The following NHS variants were observed in gnomAD, a reference collection of about 807,000 sequenced individuals.
NHS encodes actin remodeling regulator NHS.
In NHS, 5 loss-of-function variants were observed where a neutral mutation model predicts 72.5. The observed-to-expected ratio is 0.07, with a 90% confidence interval of 0.04 to 0.14. The LOEUF (loss-of-function observed/expected upper bound fraction) is 0.14, where lower values mean the gene tolerates loss of function less well. NHS is among the 10% of genes least tolerant of loss of function. The probability of loss-of-function intolerance (pLI) is 1.00; values close to 1 mark genes in which losing one functional copy is unlikely to be tolerated. For synonymous variants in NHS, 464 were observed against 547.7 expected (o/e 0.85, Z 2.13); for missense variants, 1,072 against 1,355.7 (o/e 0.79, Z 3.29).
chrX:17,564,963 A>G (rs1305747652), intron 1 of NHS, among the ~76,000 whole-genome samples: 1 of 108,104 alleles, frequency 9.3e-6, no homozygotes, highest in Non-Finnish European at 1.9e-5. Flanking sequence ...AATTGGGTAC[A>G]GCCACATTTT....
chrX:17,517,417 C>T (rs1004084740), intron 1 of NHS, among the ~76,000 whole-genome samples: 1 of 112,369 alleles, frequency 8.9e-6, no homozygotes, highest in African/African-American at 3.2e-5. Context: ...ATTAAATGAT[C>T]TGTAATTTTC....
At chrX:17,609,466 G>C (rs892648814) in intron 1 of NHS, among the ~76,000 whole-genome samples, 3 of 111,834 alleles carry the variant, frequency 2.7e-5, no homozygotes, top group Admixed American at 9.5e-5. Flanking sequence ...CATAGCATTT[G>C]GGTGGTGGTG....
intron 3 of NHS, among the ~76,000 whole-genome samples, chrX:17,710,498 A>AAAGGCATTAT (rs1556035047): frequency 1.8e-5 from 2 of 112,829 alleles, no homozygotes; most frequent in African/African-American, 6.4e-5. Flanking sequence ...GATGGATTGC[A>AAAGGCATTAT]AAGGCATTAT....
chrX:17,410,201 A>T (rs186202828), intron 1 of NHS, among the ~76,000 whole-genome samples: 49 of 111,269 alleles, frequency 4.4e-4, no homozygotes, highest in African/African-American at 1.6e-3. Context: ...ACACTAAAAA[A>T]ATGGCTGTGT....
chrX:17,561,427 T>C (rs1473027760), intron 1 of NHS, among the ~76,000 whole-genome samples: 3 of 110,413 alleles, frequency 2.7e-5, no homozygotes, highest in Non-Finnish European at 3.8e-5. Context: ...GACACAAGTT[T>C]CAATTTTGTA....
intron 1 of NHS, among the ~76,000 whole-genome samples, chrX:17,451,722 G>A (rs925561728): frequency 8.9e-6 from 1 of 112,173 alleles, no homozygotes; most frequent in African/African-American, 3.2e-5. Flanking sequence ...GTTTGAGATA[G>A]TTCTGCATGC....
At chrX:17,470,524 A>G (rs1053268181) in intron 1 of NHS, among the ~76,000 whole-genome samples, 2 of 111,663 alleles carry the variant, frequency 1.8e-5, no homozygotes, top group African/African-American at 6.5e-5. Context: ...CACATGCCCG[A>G]TGTTATACGA....
At chrX:17,639,722 C>T (rs2065871367) in intron 1 of NHS, among the ~76,000 whole-genome samples, 1 of 112,374 alleles carries the variant, frequency 8.9e-6, no homozygotes, top group African/African-American at 3.2e-5. Context: ...CTTAAAGACC[C>T]CATCTCTTAA....
chrX:17,508,854 TTGTG>T (rs1374328390), intron 1 of NHS, among the ~76,000 whole-genome samples: 1 of 112,041 alleles, frequency 8.9e-6, no homozygotes, highest in African/African-American at 3.3e-5. Flanking sequence ...ATGTGAACAT[TTGTG>T]TGTGTATTTG....
chrX:17,413,722 A>G (rs368440152), intron 1 of NHS, among the ~76,000 whole-genome samples: 108 of 111,726 alleles, frequency 9.7e-4, no homozygotes, highest in African/African-American at 3.3e-3. Context: ...CTATCACTCT[A>G]TTAATCCTTT....
chrX:17,457,274 G>A (rs2064829246), intron 1 of NHS, among the ~76,000 whole-genome samples: 1 of 111,801 alleles, frequency 8.9e-6, no homozygotes, highest in African/African-American at 3.3e-5. Context: ...AATTTATAAA[G>A]AGAAGAGGTT....
At chrX:17,567,465 G>A (rs1172686881) in intron 1 of NHS, among the ~76,000 whole-genome samples, 2 of 111,839 alleles carry the variant, frequency 1.8e-5, no homozygotes, top group Non-Finnish European at 3.8e-5. Flanking sequence ...AGACTGCACC[G>A]GGGTTATGCG....
intron 1 of NHS, among the ~76,000 whole-genome samples, chrX:17,589,844 T>C (rs929509659): frequency 6.3e-5 from 7 of 111,867 alleles, no homozygotes; most frequent in African/African-American, 2.3e-4. Flanking sequence ...CCAATGTCTA[T>C]TATTTTTTAT....
At chrX:17,459,138 A>C (rs1293643031) in intron 1 of NHS, among the ~76,000 whole-genome samples, 1 of 112,714 alleles carries the variant, frequency 8.9e-6, no homozygotes, top group East Asian at 2.8e-4. Flanking sequence ...TGCATACATA[A>C]ATTACTGTAT....
intron 1 of NHS, among the ~76,000 whole-genome samples, chrX:17,447,871 A>G (rs1380775896): frequency 9.0e-6 from 1 of 111,044 alleles, no homozygotes; most frequent in African/African-American, 3.3e-5. Flanking sequence ...AGAAATAACT[A>G]GATCTGAAAT....
rs777077115 is a variant in NHS at position 17,412,605 on chromosome X, A to AAG, written c.565+36299_565+36300dup. ...GGAGTGAGACCCTGTCTTAAGAAGAAAGAGAGAGAGAGAGAGAAAACAAAG... is the reference window on the plus strand; with the variant it reads ...GGAGTGAGACCCTGTCTTAAGAAGAAAGAGAGAGAGAGAGAGAGAAAACAAAG... On this transcript the variant is annotated intron_variant, in intron 1 of 8. Coordinates refer to ENST00000676302, the MANE Select transcript of NHS (RefSeq NM_001291867.2). Among the ~76,000 whole-genome samples the AAG allele has an allele frequency of 1.4e-4, 15 of 109,925 alleles. No individual in the cohort carries two copies. The East Asian group carries it at 1.7e-3, about 12-fold the overall frequency.
intron 5 of NHS, among the ~76,000 whole-genome samples, chrX:17,723,770 T>TGCGTGTGCGC (rs1556037733): frequency 7.7e-5 from 7 of 91,319 alleles, no homozygotes; most frequent in African/African-American, 3.5e-4. Context: ...TGTGTGTGTG[T>TGCGTGTGCGC]GCGCGCGCGT....
chrX:17,650,774 T>A (rs962505952), intron 1 of NHS, among the ~76,000 whole-genome samples: 8 of 112,477 alleles, frequency 7.1e-5, no homozygotes, highest in African/African-American at 2.6e-4. Flanking sequence ...TCTGTTTGTG[T>A]CAACAAAATA....
At chrX:17,441,407 T>C (rs760241460) in intron 1 of NHS, among the ~76,000 whole-genome samples, 4 of 112,418 alleles carry the variant, frequency 3.6e-5, no homozygotes, top group Non-Finnish European at 7.5e-5. Flanking sequence ...CGATTCTCTT[T>C]AAATCCTCAT....
Sources: gnomAD v4.1 joint callset for allele counts (sites outside exome capture counted in the v4.1 genomes callset) on GRCh38, gnomAD v4.1.1 for gene constraint, MANE v1.5 for transcripts, NCBI Gene and HGNC (gene_info 2026-07-23, HGNC 2026-07-21) for gene names.